Variants in RPGRIP1L observed in about 807,000 individuals in gnomAD.
The protein encoded by RPGRIP1L is protein fantom.
RPGRIP1L carries 131 observed loss-of-function variants against 160.4 expected under a neutral mutation model. The ratio of observed to expected loss-of-function variants is 0.82; its 90% CI spans 0.71 to 0.94. The LOEUF (loss-of-function observed/expected upper bound fraction) is 0.94, where lower values mean the gene tolerates loss of function less well. Among genes scored for constraint, RPGRIP1L ranks in the 40% least tolerant of loss-of-function variants. The pLI is 0.00. For synonymous variants in RPGRIP1L, 510 were observed against 515.8 expected (o/e 0.99, Z 0.15); for missense variants, 1,522 against 1,535.8 (o/e 0.99, Z 0.15).
chr16:53,691,563 G>A (rs1567886226), intron 4 of RPGRIP1L, among the ~76,000 whole-genome samples: 1 of 152,250 alleles, frequency 6.6e-6, no homozygotes, highest in East Asian at 1.9e-4. Flanking sequence ...CTTGTCTAAG[G>A]TCACCAGCCA....
Position 53,657,539 on chromosome 16 carries a change from G to C in RPGRIP1L, c.1495C>G (p.Gln499Glu). The C allele has an allele frequency of 6.2e-7, 1 of 1,610,538 alleles. No homozygotes were observed. The highest frequency in any genetic ancestry group is 8.5e-7 in the Non-Finnish European group (1 of 1,177,230). The change falls in exon 13 of 27, where the codon CAA (glutamine) becomes GAA (glutamate). Residue 499 changes from glutamine to glutamate, a missense_variant. Coordinates refer to ENST00000647211, the MANE Select transcript of RPGRIP1L (RefSeq NM_015272.5). ...KDLERSMREL[Q>E]ATHAETVQEL... ...TGCACCGTTTCTGCATGAGTTGCTT[G>C]CAGCTCTCTCATAGAGCGTTCTAGA...
intron 22 of RPGRIP1L, among the ~76,000 whole-genome samples, chr16:53,631,815 A>G (rs1045232001): frequency 6.6e-6 from 1 of 152,232 alleles, no homozygotes; most frequent in Non-Finnish European, 1.5e-5. Flanking sequence ...CAGGCCAGCA[A>G]GGCCCAATTA....
At position 53,619,150 on chromosome 16, in the gene RPGRIP1L, G is replaced by A. The variant is rs745796721; in HGVS notation, c.3491C>T (p.Thr1164Ile). Residue 1164 changes from threonine to isoleucine, a missense_variant, in exon 24 of 27, where the codon ACC (threonine) becomes ATC (isoleucine). Thr to Ile is a moderately conservative substitution (Grantham distance 89). Transcript: ENST00000647211. ...CAGCCGTTGGATAGTGTCATCCATG[G>A]TTACTTGAGAATCATTAAGGCTTAG... ...IALSLNDSQV[T>I]MDDTIQRLFV... The A allele has an allele frequency of 1.9e-6, 3 of 1,613,768 alleles. No homozygotes were observed. The highest frequency in any genetic ancestry group is 3.3e-5 in the Admixed American group (2 of 59,990).
Position 53,652,732 on chromosome 16 carries a change from T to G in RPGRIP1L, c.1955A>C (p.His652Pro). Residue 652 changes from histidine (H) to proline (P), a missense_variant, in exon 15 of 27, where the codon CAT (histidine) becomes CCT (proline). Physicochemically the swap from His to Pro is moderately conservative, Grantham distance 77. Coordinates refer to ENST00000647211, the MANE Select transcript of RPGRIP1L (RefSeq NM_015272.5). ...LQTTPVVRGLHPEYNFTSQYL... is the reference protein window; with the variant it reads ...LQTTPVVRGLPPEYNFTSQYL... ...TTGAGAAGTGAAGTTATATTCGGGATGAAGGCCTCGCACTACGGGAGTTGT... is the reference window on the plus strand; with the variant it reads ...TTGAGAAGTGAAGTTATATTCGGGAGGAAGGCCTCGCACTACGGGAGTTGT... 6.2e-7 allele frequency: 1 copy of G among 1,614,216 alleles called. No individual in the cohort carries two copies.
rs577190622 is a variant in RPGRIP1L at position 53,697,597 on chromosome 16, C to T, written c.86-1302G>A. Among the ~76,000 whole-genome samples, 29 of 152,340 alleles carry T rather than the reference C, an allele frequency of 1.9e-4. 2 individuals are homozygous for T. Among genetic ancestry groups the T allele is most frequent in the Middle Eastern group, 3.4e-3 (1 of 294 alleles). On this transcript the variant is annotated intron_variant, in intron 2 of 26. Transcript: ENST00000647211. Reference sequence around the variant, plus strand: ...CGGGCTGGTCTCCAGCTCCTGACCGCGAGTGATCCACCAGCCTCGGCCTCT... The same window carrying T: ...CGGGCTGGTCTCCAGCTCCTGACCGTGAGTGATCCACCAGCCTCGGCCTCT...
intron 15 of RPGRIP1L, among the ~76,000 whole-genome samples, chr16:53,651,038 T>C (rs1284391618): frequency 6.6e-6 from 1 of 152,206 alleles, no homozygotes; most frequent in Non-Finnish European, 1.5e-5. Flanking sequence ...CAGATTGGTG[T>C]GTCCAGCCAC....
At chr16:53,674,978 A>G (rs1330641459) in intron 7 of RPGRIP1L, 39 bp downstream of exon 7, 4 of 1,346,388 alleles carry the variant, frequency 3.0e-6, no homozygotes, top group African/African-American at 2.9e-5. Context: ...AATCCTTTGC[A>G]TCTCTGTAAC....
chr16:53,684,574 G>A (rs1969852590), intron 6 of RPGRIP1L, among the ~76,000 whole-genome samples: 1 of 149,728 alleles, frequency 6.7e-6, no homozygotes, highest in South Asian at 2.1e-4. Context: ...AGGGGAACAT[G>A]ACACACCAGG....
intron 7 of RPGRIP1L, among the ~76,000 whole-genome samples, chr16:53,674,609 C>T (rs1969003555): frequency 6.6e-6 from 1 of 152,098 alleles, no homozygotes; most frequent in Admixed American, 6.6e-5. Flanking sequence ...GATTACTGAC[C>T]TATTCATTAC....
intron 1 of RPGRIP1L, among the ~76,000 whole-genome samples, chr16:53,701,487 A>G (rs887155682): frequency 3.3e-5 from 5 of 150,140 alleles, no homozygotes; most frequent in South Asian, 2.1e-4. Context: ...TAGTAACTCT[A>G]TTTTGAGTAT....
At chr16:53,648,613 TGCGCGCGCGC>T (rs113828309) in intron 16 of RPGRIP1L, among the ~76,000 whole-genome samples, 1 of 133,134 alleles carries the variant, frequency 7.5e-6, no homozygotes, top group Non-Finnish European at 1.7e-5. Context: ...CGTACGCGCG[TGCGCGCGCGC>T]GCGCACACAC....
chr16:53,641,459 T>C lies in RPGRIP1L; in HGVS notation c.2700A>G (p.Thr900=), dbSNP rs768724944. The C allele has an allele frequency of 3.1e-6, 5 of 1,613,586 alleles. No individual in the cohort carries two copies. The South Asian group carries it at 5.5e-5, about 18-fold the overall frequency. Residue 900 remains threonine (T), a synonymous_variant, in exon 18 of 27, where the codon ACA becomes ACG. Coordinates refer to ENST00000647211, the MANE Select transcript of RPGRIP1L (RefSeq NM_015272.5). ...DRCISGIFEL[T]DHQKHPAGTI... ...TGCCAGCAGGATGCTTTTGATGGTCTGTTAACTCAAATATTCCTGTCAAAT... is the reference window on the plus strand; with the variant it reads ...TGCCAGCAGGATGCTTTTGATGGTCCGTTAACTCAAATATTCCTGTCAAAT...
intron 14 of RPGRIP1L, among the ~76,000 whole-genome samples, chr16:53,654,996 T>A (rs1251913505): frequency 1.3e-5 from 2 of 152,180 alleles, no homozygotes; most frequent in Non-Finnish European, 2.9e-5. Flanking sequence ...TCTGAAACCA[T>A]TTTGGGGATC....
chr16:53,675,991 T>C (rs1470693851), intron 6 of RPGRIP1L, among the ~76,000 whole-genome samples: 1 of 152,122 alleles, frequency 6.6e-6, no homozygotes, highest in Non-Finnish European at 1.5e-5. Flanking sequence ...TTAGGAAAAA[T>C]AAATGTAAAA....
chr16:53,666,464 T>A (rs1320217039), intron 9 of RPGRIP1L, among the ~76,000 whole-genome samples: 1 of 152,114 alleles, frequency 6.6e-6, no homozygotes, highest in African/African-American at 2.4e-5. Flanking sequence ...AATATTCCTT[T>A]TTATGTTTGT....
chr16:53,666,528 A>C (rs1968263493), intron 9 of RPGRIP1L, among the ~76,000 whole-genome samples: 1 of 151,912 alleles, frequency 6.6e-6, no homozygotes, highest in South Asian at 2.1e-4. Flanking sequence ...TGTATATATC[A>C]AACACATCCA....
chr16:53,621,129 A>T (rs1404155684), intron 23 of RPGRIP1L, among the ~76,000 whole-genome samples: 3 of 152,198 alleles, frequency 2.0e-5, no homozygotes, highest in African/African-American at 7.2e-5. Flanking sequence ...TGTAAATAGC[A>T]GGGGAATCAA....
rs547005741 is a variant in RPGRIP1L at position 53,599,069 on chromosome 16, C to T, written c.*3007G>A. 7.2e-5 allele frequency: 11 copies of T among 152,286 alleles called. No individual in the cohort carries two copies. The highest frequency in any genetic ancestry group is 3.4e-3 in the Middle Eastern group (1 of 294). The allele number at this position is 152,286 out of a possible 1,614,324, so 9.4% of individuals were successfully genotyped here. A position where few individuals can be genotyped will look rare whatever the true frequency, so the allele number is the denominator to read the frequency against. ...GTGTAAGAACTGGTTTTCATTTTCA[C>T]AGCTCTTGATGTCAGATTACTAAAA... On this transcript the variant is annotated 3_prime_UTR_variant, in exon 27 of 27. Transcript: ENST00000647211.
intron 9 of RPGRIP1L, among the ~76,000 whole-genome samples, chr16:53,665,916 G>A (rs1968210491): frequency 6.6e-6 from 1 of 152,138 alleles, no homozygotes; most frequent in African/African-American, 2.4e-5. Context: ...AAGCTCCCCA[G>A]ATGATAGCCA....
Sources: allele counts gnomAD v4.1 joint callset (sites outside exome capture counted in the v4.1 genomes callset), GRCh38; gene constraint gnomAD v4.1.1; transcripts MANE v1.5; gene names NCBI Gene and HGNC (gene_info 2026-07-23, HGNC 2026-07-21).